SLC39A14: variants seen among roughly 807,000 people sequenced by gnomAD.
SLC39A14 encodes the protein solute carrier family 39 member 14, also known as metal cation symporter ZIP14.
Under a neutral mutation model 45.5 loss-of-function variants are expected in SLC39A14, and 19 were observed. The ratio of observed to expected loss-of-function variants is 0.42; its 90% CI spans 0.29 to 0.61. The LOEUF (loss-of-function observed/expected upper bound fraction) is 0.61. Among genes scored for constraint, SLC39A14 ranks in the 20% least tolerant of loss-of-function variants. SLC39A14 has a pLI of 0.22. For missense variants in SLC39A14, 447 were observed against 616.5 expected (o/e 0.73, Z 2.91); for synonymous variants, 264 against 251.3 (o/e 1.05, Z -0.48).
downstream of SLC39A14, among the ~76,000 whole-genome samples, chr8:22,425,803 A>T (rs569091827): frequency 6.6e-6 from 1 of 150,424 alleles, no homozygotes; most frequent in Non-Finnish European, 1.5e-5. Context: ...GGTAGCATCA[A>T]TTATGGTTAA....
intron 1 of SLC39A14, among the ~76,000 whole-genome samples, chr8:22,403,318 C>T (rs1295404088): frequency 6.7e-6 from 1 of 149,318 alleles, no homozygotes; most frequent in Non-Finnish European, 1.5e-5. Context: ...CTTGCTGTGT[C>T]GCCCAGGCTG....
chr8:22,397,930 C>A (rs1055695071), intron 1 of SLC39A14, among the ~76,000 whole-genome samples: 1 of 152,192 alleles, frequency 6.6e-6, no homozygotes, highest in African/African-American at 2.4e-5. Flanking sequence ...TAGTTACTGT[C>A]TTGTGGACGG....
At chr8:22,379,701 C>A (rs1027635935) in intron 1 of SLC39A14, among the ~76,000 whole-genome samples, 5 of 152,012 alleles carry the variant, frequency 3.3e-5, no homozygotes, top group African/African-American at 1.2e-4. Context: ...GAGGCCGAGG[C>A]GGGTGGATCA....
At chr8:22,382,791 C>T (rs532680696) in intron 1 of SLC39A14, among the ~76,000 whole-genome samples, 41 of 152,268 alleles carry the variant, frequency 2.7e-4, no homozygotes, top group South Asian at 6.2e-4. Context: ...CTCACCTCAC[C>T]ATAGCCTCCG....
intron 8 of SLC39A14, among the ~76,000 whole-genome samples, chr8:22,433,668 T>G (rs1836501270): frequency 6.8e-6 from 1 of 147,100 alleles, no homozygotes; most frequent in African/African-American, 2.5e-5. Flanking sequence ...CAAGCAATCC[T>G]CCCATCTCAG....
intron 8 of SLC39A14, among the ~76,000 whole-genome samples, chr8:22,429,672 T>A (rs1214278756): frequency 6.6e-6 from 1 of 152,236 alleles, no homozygotes. Flanking sequence ...CTGAAGCCCC[T>A]GTGCCCCAGG....
intron 8 of SLC39A14, among the ~76,000 whole-genome samples, chr8:22,433,222 A>T (rs1836494604): frequency 6.6e-6 from 1 of 152,132 alleles, no homozygotes; most frequent in African/African-American, 2.4e-5. Flanking sequence ...TCCTTGATAG[A>T]TTATGCTCAG....
At position 22,421,548 on chromosome 8, in the gene SLC39A14, T is replaced by TCC; in HGVS notation, c.*1850_*1851insCC. On this transcript the variant is annotated 3_prime_UTR_variant, in exon 9 of 9. Transcript: ENST00000381237. Reference sequence around the variant, plus strand: ...AACCAATTCCTTGAATGTTGGAATCTAACTTTTTATATTGTCATTATTATT... The same window carrying TCC: ...AACCAATTCCTTGAATGTTGGAATCTCCAACTTTTTATATTGTCATTATTATT... 1 of 985,452 alleles carries TCC rather than the reference T, an allele frequency of 1.0e-6. No individual in the cohort carries two copies. 61.0% of individuals were successfully genotyped at this position (985,452 alleles called of 1,614,324 possible). A position where few individuals can be genotyped will look rare whatever the true frequency, so the allele number is the denominator to read the frequency against.
Position 22,431,814 on chromosome 8 carries a change from A to G in SLC39A14, c.1333-2077A>G, listed in dbSNP as rs779047974. ...CAGCTGAATGAAATTGGGCTCTCCAATGATTCTTGAGAATTGTTAATGTCT... is the reference window on the plus strand; with the variant it reads ...CAGCTGAATGAAATTGGGCTCTCCAGTGATTCTTGAGAATTGTTAATGTCT... On this transcript the variant is annotated intron_variant, in intron 8 of 8. Coordinates refer to the SLC39A14 transcript ENST00000240095. Among the ~76,000 whole-genome samples, 157 of 152,342 alleles carry G rather than the reference A, an allele frequency of 1.0e-3. 1 individual carries two copies. Among genetic ancestry groups the G allele is most frequent in the Non-Finnish European group, 1.9e-3 (126 of 68,028 alleles).
At chr8:22,369,708 C>A (rs759576973) in intron 1 of SLC39A14, among the ~76,000 whole-genome samples, 14 of 152,218 alleles carry the variant, frequency 9.2e-5, no homozygotes, top group Non-Finnish European at 1.9e-4. Context: ...CCGTCACTCT[C>A]CAGCAGTGAG....
chr8:22,397,097 T>G (rs759901813), intron 1 of SLC39A14, among the ~76,000 whole-genome samples: 6 of 152,312 alleles, frequency 3.9e-5, no homozygotes, highest in Non-Finnish European at 8.8e-5. Context: ...CATTAAACTC[T>G]GCAAGTTTAT....
rs1043837207 is a variant in SLC39A14, at chr8:22,422,469, G to A, written c.*2771G>A. The A allele has an allele frequency of 4.3e-5, 42 of 985,732 alleles. No homozygotes were observed. The highest frequency in any genetic ancestry group is 5.2e-5 in the African/African-American group (3 of 57,230). The allele number at this position is 985,732 out of a possible 1,614,324, so 61.1% of individuals were successfully genotyped here. ...TTCCAAAGAGATGGCAATATGCTGGGCATCTACTTTAAAACAAAGTTGTCT... is the reference window on the plus strand; with the variant it reads ...TTCCAAAGAGATGGCAATATGCTGGACATCTACTTTAAAACAAAGTTGTCT... On this transcript the variant is annotated 3_prime_UTR_variant, in exon 9 of 9. Coordinates refer to ENST00000381237, the MANE Select transcript of SLC39A14 (RefSeq NM_001128431.4).
rs149642852 is a variant in SLC39A14 at position 22,388,343 on chromosome 8, C to T, written c.-15-16353C>T. On this transcript the variant is annotated intron_variant, in intron 1 of 8. Transcript: ENST00000381237. ...CAAACCACTGACATGAATGGGACTT[C>T]CTAGTCCTGTGGCGGGGAGGAGTGT... Among the ~76,000 whole-genome samples the T allele has an allele frequency of 3.9e-3, 588 of 152,238 alleles. 4 individuals carry two copies. Among genetic ancestry groups the T allele is most frequent in the Non-Finnish European group, 6.4e-3 (436 of 68,024 alleles).
chr8:22,385,141 G>C (rs978527510), intron 1 of SLC39A14, among the ~76,000 whole-genome samples: 1 of 152,162 alleles, frequency 6.6e-6, no homozygotes, highest in Non-Finnish European at 1.5e-5. Context: ...CAGCTTCTCT[G>C]GCTCTCCAGG....
intron 8 of SLC39A14, among the ~76,000 whole-genome samples, chr8:22,419,239 C>T (rs1215620604): frequency 6.6e-6 from 1 of 152,076 alleles, no homozygotes; most frequent in Non-Finnish European, 1.5e-5. Context: ...GGCGGGAGTG[C>T]AGTGGTGTGA....
chr8:22,375,032 C>T (rs1054227977), intron 1 of SLC39A14, among the ~76,000 whole-genome samples: 1 of 151,624 alleles, frequency 6.6e-6, no homozygotes, highest in African/African-American at 2.4e-5. Flanking sequence ...AGGCGTGAGC[C>T]ACCGCGCCTG....
At chr8:22,423,293 A>G (rs1836317949), downstream of SLC39A14, among the ~76,000 whole-genome samples, 1 of 150,892 alleles carries the variant, frequency 6.6e-6, no homozygotes, top group Admixed American at 6.6e-5. Flanking sequence ...ACAGGCATGT[A>G]GTACCATGCC....
At chr8:22,422,969 G>T (rs1401947881), downstream of SLC39A14, among the ~76,000 whole-genome samples, 2 of 150,852 alleles carry the variant, frequency 1.3e-5, no homozygotes, top group African/African-American at 2.4e-5. Context: ...GATTACAGGT[G>T]CCCGCCACCA....
intron 4 of SLC39A14, among the ~76,000 whole-genome samples, chr8:22,413,082 T>G (rs1018992390): frequency 2.0e-5 from 3 of 152,180 alleles, no homozygotes; most frequent in African/African-American, 4.8e-5. Context: ...CCTAATAAGT[T>G]CATGAGAAAA....
Sources: allele counts gnomAD v4.1 joint callset (sites outside exome capture counted in the v4.1 genomes callset), GRCh38; gene constraint gnomAD v4.1.1; transcripts MANE v1.5; gene names NCBI Gene and HGNC (gene_info 2026-07-23, HGNC 2026-07-21).